The following GPHN variants were observed in gnomAD, a reference collection of about 807,000 sequenced individuals.
GPHN encodes the protein gephyrin.
GPHN carries 17 observed loss-of-function variants against 95.5 expected under a neutral mutation model. The ratio of observed to expected loss-of-function variants is 0.18; its 90% CI spans 0.12 to 0.27. The LOEUF is 0.27. GPHN is among the 10% of genes least tolerant of loss of function. The pLI is 1.00. For synonymous variants in GPHN, 320 were observed against 322.5 expected (o/e 0.99, Z 0.08); for missense variants, 660 against 978.1 (o/e 0.67, Z 4.34).
the GPHN span, among the ~76,000 whole-genome samples, chr14:67,681,699 T>C: frequency 6.6e-6 from 1 of 152,154 alleles, no homozygotes; most frequent in Non-Finnish European, 1.5e-5. Context: ...GGAGAATTGC[T>C]TGAACCCAGG....
At chr14:67,588,063 TTGGTA>T in the GPHN span, 6 of 152,590 alleles carry the variant, frequency 3.9e-5, no homozygotes, top group Non-Finnish European at 7.3e-5. Context: ...TATGTAGGCA[TTGGTA>T]CAGCCCCTTC....
chr14:67,013,356 T>C (rs1273162450), intron 9 of GPHN, among the ~76,000 whole-genome samples: 1 of 152,090 alleles, frequency 6.6e-6, no homozygotes, highest in African/African-American at 2.4e-5. Flanking sequence ...TGCATGTCTC[T>C]GGACCTACAG....
the GPHN span, chr14:67,575,520 GCA>G: frequency 3.5e-6 from 4 of 1,149,152 alleles, no homozygotes; most frequent in Non-Finnish European, 5.2e-6. Flanking sequence ...TTCCCCCGAA[GCA>G]CATGACTGCC....
At chr14:67,316,944 G>GT in the GPHN span, 1 of 1,496,170 alleles carries the variant, frequency 6.7e-7, no homozygotes, top group Non-Finnish European at 9.2e-7. Context: ...GGTTTCTTGG[G>GT]TCTTCATCTG....
At chr14:67,195,255 C>A in the GPHN span, among the ~76,000 whole-genome samples, 36 of 152,166 alleles carry the variant, frequency 2.4e-4, no homozygotes, top group African/African-American at 8.2e-4. Context: ...GGAAGAGGGG[C>A]GAGACCCAGT....
the GPHN span, among the ~76,000 whole-genome samples, chr14:67,305,348 A>C: frequency 3.9e-5 from 6 of 151,900 alleles, no homozygotes; most frequent in African/African-American, 1.5e-4. Flanking sequence ...TGATGTGATC[A>C]CGACTCCTGC....
Position 66,615,473 on chromosome 14 carries a change from C to CTTTTTTT in GPHN, c.65-65624_65-65618dup, listed in dbSNP as rs59401816. On this transcript the variant is annotated intron_variant, in intron 1 of 22. Coordinates refer to ENST00000478722, the MANE Select transcript of GPHN (RefSeq NM_020806.5). ...TTCTCTGATGGTCAGTGGTGTTGAG[C>CTTTTTTT]TTTTTTTTTTTTTTTTGTATGTTTG... Among the ~76,000 whole-genome samples the CTTTTTTT allele has an allele frequency of 1.5e-5, 2 of 135,920 alleles. 1 individual carries two copies. Among genetic ancestry groups the CTTTTTTT allele is most frequent in the Non-Finnish European group, 3.2e-5 (2 of 62,226 alleles). 89.2% of individuals were successfully genotyped at this position (135,920 alleles called of 152,430 possible).
At chr14:66,924,169 A>G (rs1426306450) in intron 7 of GPHN, 25 bp from the exon 8 acceptor site, 9 of 1,268,490 alleles carry the variant, frequency 7.1e-6, no homozygotes, top group Non-Finnish European at 9.2e-6. Flanking sequence ...CACTATATTC[A>G]TAGTTGTTAT....
chr14:66,676,272 T>TGA (rs1463785964), intron 1 of GPHN, among the ~76,000 whole-genome samples: 1 of 152,140 alleles, frequency 6.6e-6, no homozygotes, highest in Admixed American at 6.5e-5. Flanking sequence ...CAACTTGCCT[T>TGA]TCTCCTTTCT....
At chr14:66,851,593 G>A (rs144638489) in intron 4 of GPHN, among the ~76,000 whole-genome samples, 1 of 152,098 alleles carries the variant, frequency 6.6e-6, no homozygotes, top group Non-Finnish European at 1.5e-5. Flanking sequence ...AGGCACAATG[G>A]CTGAAACCGT....
At chr14:66,524,704 G>A (rs181398050) in intron 1 of GPHN, among the ~76,000 whole-genome samples, 6 of 152,062 alleles carry the variant, frequency 3.9e-5, no homozygotes, top group Admixed American at 3.3e-4. Context: ...GTGTCCATGT[G>A]TTCTCATTCT....
At chr14:66,584,444 G>A (rs1595085317) in intron 1 of GPHN, among the ~76,000 whole-genome samples, 1 of 152,148 alleles carries the variant, frequency 6.6e-6, no homozygotes, top group African/African-American at 2.4e-5. Flanking sequence ...AGTGGTGAGA[G>A]AGGGCATCCC....
chr14:67,541,143 T>G, the GPHN span, among the ~76,000 whole-genome samples: 13 of 152,252 alleles, frequency 8.5e-5, no homozygotes, highest in African/African-American at 2.4e-5. Context: ...CAATCCCATC[T>G]AAATAGAAGA....
the GPHN span, among the ~76,000 whole-genome samples, chr14:67,546,576 G>C: frequency 2.0e-5 from 3 of 152,122 alleles, no homozygotes; most frequent in Non-Finnish European, 4.4e-5. Context: ...TTTTGGTAGA[G>C]ATGGAGTTTC....
At chr14:66,711,037 T>C (rs937680842) in intron 2 of GPHN, among the ~76,000 whole-genome samples, 2 of 152,194 alleles carry the variant, frequency 1.3e-5, no homozygotes, top group Non-Finnish European at 2.9e-5. Context: ...TGTTTTTTTA[T>C]GTATTTTGTT....
intron 21 of GPHN, among the ~76,000 whole-genome samples, chr14:67,174,004 G>T (rs2082751614): frequency 6.6e-6 from 1 of 152,028 alleles, no homozygotes; most frequent in African/African-American, 2.4e-5. Flanking sequence ...CACTCTGAAG[G>T]GGAAAAAAAG....
intron 1 of GPHN, among the ~76,000 whole-genome samples, chr14:66,607,344 T>G (rs926587264): frequency 1.3e-5 from 2 of 152,108 alleles, no homozygotes; most frequent in Admixed American, 6.6e-5. Flanking sequence ...TGAATTAACT[T>G]TTTAATGTGC....
At chr14:66,718,409 C>T (rs56078060) in intron 2 of GPHN, among the ~76,000 whole-genome samples, 8,934 of 152,174 alleles carry the variant, frequency 0.059, 358 homozygotes, top group Middle Eastern at 0.099. Flanking sequence ...AGCCACAGAC[C>T]CTCGTAATGA....
intron 1 of GPHN, among the ~76,000 whole-genome samples, chr14:66,521,115 AT>A (rs963293365): frequency 6.6e-6 from 1 of 152,114 alleles, no homozygotes; most frequent in African/African-American, 2.4e-5. Context: ...ATTGGTGGGC[AT>A]TTAGGTTGAT....
Sources: allele counts gnomAD v4.1 joint callset (sites outside exome capture counted in the v4.1 genomes callset), GRCh38; gene constraint gnomAD v4.1.1; transcripts MANE v1.5; gene names NCBI Gene and HGNC (gene_info 2026-07-23, HGNC 2026-07-21).